The following NEB variants were observed in gnomAD, a reference collection of about 807,000 sequenced individuals.
NEB encodes nemaline myopathy type 2.
In NEB, 512 loss-of-function variants were observed where a neutral mutation model predicts 952.2. The observed-to-expected ratio is 0.54, with a 90% confidence interval of 0.50 to 0.58. NEB has a LOEUF of 0.58. Ranked by LOEUF, NEB falls within the 20% of genes least tolerant of loss-of-function variation. NEB has a pLI of 0.00. For synonymous variants in NEB, 2,900 were observed against 3,149.8 expected (o/e 0.92, Z 2.66); for missense variants, 8,428 against 9,231.1 (o/e 0.91, Z 3.56).
In NEB at chr2:151,644,772, C is replaced by T. The variant is rs557325694; in HGVS notation, c.7537-197G>A. The stretch of plus-strand genomic sequence containing the variant: ...TTTAAAGCTCTTCAATTACCTAAAT[C>T]AGCAAAATTGTCAGCTCTTCCCAAA... On this transcript the variant is annotated intron_variant, in intron 55 of 181. Transcript: ENST00000397345. Among the ~76,000 whole-genome samples the T allele has an allele frequency of 2.6e-5, 4 of 152,276 alleles. No homozygotes were observed. The East Asian group carries it at 7.7e-4, about 29-fold the overall frequency.
chr2:151,715,397 G>C (rs1470784786), intron 10 of NEB, among the ~76,000 whole-genome samples: 1 of 152,114 alleles, frequency 6.6e-6, no homozygotes, highest in Admixed American at 6.6e-5. Flanking sequence ...AAGTGTTATG[G>C]GATGAATGTC....
At chr2:151,570,418 G>A in intron 108 of NEB, 26 bp from the exon 109 acceptor site, 3 of 1,572,368 alleles carry the variant, frequency 1.9e-6, no homozygotes, top group Non-Finnish European at 1.7e-6. Flanking sequence ...TAAAGCAGAT[G>A]GGTCACAGCA....
chr2:151,654,588 ATG>A (rs551324977), intron 51 of NEB, among the ~76,000 whole-genome samples: 103 of 152,340 alleles, frequency 6.8e-4, no homozygotes, highest in Non-Finnish European at 1.1e-3. Context: ...GAATGGATGT[ATG>A]TGTGTTAAAA....
intron 76 of NEB, 175 bp downstream of exon 76, chr2:151,615,827 G>A (rs904284935): frequency 1.7e-6 from 1 of 577,844 alleles, no homozygotes; most frequent in African/African-American, 1.9e-5. Context: ...TGGGTATAAT[G>A]GGTCTAGAAT....
At position 151,620,347 on chromosome 2, in the gene NEB, GTATATATATA is replaced by G. The variant is rs71000481; in HGVS notation, c.10560+562_10560+571del. Reference sequence around the variant, plus strand: ...TTATTATATATATATGTATGTGTGTGTATATATATATATATATATATATATATATATATAT... The same window carrying G: ...TTATTATATATATATGTATGTGTGTGTATATATATATATATATATATATAT... On this transcript the variant is annotated intron_variant, in intron 72 of 181. Coordinates refer to ENST00000397345, the MANE Select transcript of NEB (RefSeq NM_001164508.2). 6.7e-3 allele frequency among the ~76,000 whole-genome samples: 326 copies of G among 48,456 alleles called. 2 individuals carry two copies. Among genetic ancestry groups the G allele is most frequent in the Middle Eastern group, 0.017 (1 of 60 alleles). The allele number at this position is 48,456 out of a possible 152,430, so 31.8% of individuals were successfully genotyped here. A position where few individuals can be genotyped will look rare whatever the true frequency, so the allele number is the denominator to read the frequency against.
At position 151,650,866 on chromosome 2, in the gene NEB, T is replaced by C. The variant is rs764583699; in HGVS notation, c.6935A>G (p.Tyr2312Cys). 1.2e-6 allele frequency: 2 copies of C among 1,612,538 alleles called. No homozygotes were observed. The highest frequency in any genetic ancestry group is 1.7e-6 in the Non-Finnish European group (2 of 1,179,058). The change falls in exon 53 of 182, where the codon TAC becomes TGC. Residue 2312 changes from tyrosine to cysteine, a missense_variant. Physicochemically the swap from Tyr to Cys is radical, Grantham distance 194. Coordinates refer to ENST00000397345, the MANE Select transcript of NEB (RefSeq NM_001164508.2). ...IASDYKYKQG[Y>C]RKQLGHHVGF... is the part of the protein sequence containing the mutation. Reference sequence around the variant, plus strand: ...AACATGGTGGCCAAGTTGCTTTCGGTAGCCTTGTTTGTATTTATACTGAAA... The same window carrying C: ...AACATGGTGGCCAAGTTGCTTTCGGCAGCCTTGTTTGTATTTATACTGAAA...
chr2:151,643,348 C>A lies in NEB; in HGVS notation c.7962G>T (p.Leu2654Phe), dbSNP rs947598445. ...RQAYDLQSDN[L>F]YKSDLQWLKG... ...TTAGCCACTGAAGGTCTGACTTGTA[C>A]AAATTCTGAAAGTGCAAGTGACAAA... The change falls in exon 58 of 182, where the codon TTG becomes TTT. Residue 2654 changes from leucine to phenylalanine, a missense_variant. Coordinates refer to ENST00000397345, the MANE Select transcript of NEB (RefSeq NM_001164508.2). 33 of 1,601,482 alleles carry A rather than the reference C, an allele frequency of 2.1e-5. No individual in the cohort carries two copies. The highest frequency in any genetic ancestry group is 2.7e-5 in the Non-Finnish European group (32 of 1,171,954).
intron 114 of NEB, among the ~76,000 whole-genome samples, chr2:151,566,786 G>T (rs2096419647): frequency 6.6e-6 from 1 of 152,300 alleles, no homozygotes; most frequent in South Asian, 2.1e-4. Flanking sequence ...GCATGCTTAG[G>T]TCTTTAACTG....
chr2:151,518,271 T>C, intron 156 of NEB, 47 bp downstream of exon 156: 2 of 1,318,298 alleles, frequency 1.5e-6, no homozygotes, highest in South Asian at 1.2e-5. Context: ...CACATTGTAC[T>C]GTGGATGAAT....
intron 174 of NEB, 136 bp downstream of exon 174, chr2:151,494,025 G>T: frequency 1.1e-6 from 1 of 898,092 alleles, no homozygotes; most frequent in Non-Finnish European, 1.8e-6. Context: ...TACAGTAAAT[G>T]TAGTGTGATA....
chr2:151,725,476 T>C lies in NEB; in HGVS notation c.379A>G (p.Lys127Glu). The C allele has an allele frequency of 6.2e-7, 1 of 1,613,570 alleles. No individual in the cohort carries two copies. Among genetic ancestry groups the C allele is most frequent in the Non-Finnish European group, 8.5e-7 (1 of 1,179,632 alleles). The change falls in exon 6 of 182, where the codon AAA becomes GAA. Residue 127 changes from lysine to glutamate, a missense_variant. Lys to Glu is a moderately conservative substitution (Grantham distance 56). This residue lies in a region of NEB where 2,851 missense variants were observed against 2,791.5 expected (regional missense o/e 1.02). Coordinates refer to ENST00000397345, the MANE Select transcript of NEB (RefSeq NM_001164508.2). ...ACCTCACTGAGTTGATCTTGTACTT[T>C]TTTGATTCTGCGAAGTTCTGGAGTA... ...TDTPELRRIK[K>E]VQDQLSEVKY...
rs753577039 is a variant in NEB at position 151,526,023 on chromosome 2, A to G, written c.22096T>C (p.Tyr7366His). The change falls in exon 150 of 182, where the codon TAC becomes CAC. Residue 7366 changes from tyrosine (Y) to histidine (H), a missense_variant. Coordinates refer to ENST00000397345, the MANE Select transcript of NEB (RefSeq NM_001164508.2). ...TCCCGGGTCTCTGGTAGTGTTGTGT[A>G]TGAGCCCTGTGCCAAGTGCTTCTTG... ...HVKKHLAQGS[Y>H]TTLPETRDTV... is the part of the protein sequence containing the mutation. The G allele has an allele frequency of 1.9e-6, 3 of 1,613,954 alleles. No homozygotes were observed. In the Admixed American group the frequency reaches 5.0e-5, roughly 27 times the overall value.
intron 64 of NEB, among the ~76,000 whole-genome samples, chr2:151,634,492 A>G (rs560114260): frequency 6.6e-6 from 1 of 152,244 alleles, no homozygotes; most frequent in East Asian, 1.9e-4. Flanking sequence ...AAATAAAAAA[A>G]TAAGCCGGGC....
At chr2:151,675,556 C>T (rs1575894642) in intron 34 of NEB, among the ~76,000 whole-genome samples, 165 bp from the exon 35 acceptor site, 1 of 152,062 alleles carries the variant, frequency 6.6e-6, no homozygotes, top group Non-Finnish European at 1.5e-5. Context: ...ATCTTTAATA[C>T]CAACAAGTCT....
intron 70 of NEB, among the ~76,000 whole-genome samples, chr2:151,626,460 G>T (rs1234209537): frequency 7.2e-5 from 11 of 151,930 alleles, no homozygotes; most frequent in Non-Finnish European, 1.6e-4. Context: ...TAAGTACTCA[G>T]CAAGAAAGAA....
At chr2:151,564,627 G>T (rs1309184544) in intron 117 of NEB, among the ~76,000 whole-genome samples, 3 of 152,174 alleles carry the variant, frequency 2.0e-5, no homozygotes, top group Non-Finnish European at 4.4e-5. Flanking sequence ...TTCTCCTCTT[G>T]TTGGCTAGAG....
rs116609336 is a variant in NEB at position 151,660,812 on chromosome 2, G to A, written c.5970+1323C>T. 3.7e-3 allele frequency among the ~76,000 whole-genome samples: 560 copies of A among 152,272 alleles called. 2 individuals are homozygous for A. The highest frequency in any genetic ancestry group is 0.012 in the African/African-American group (513 of 41,550). On this transcript the variant is annotated intron_variant, in intron 46 of 181. Coordinates refer to ENST00000397345, the MANE Select transcript of NEB (RefSeq NM_001164508.2). Reference sequence around the variant, plus strand: ...TTTTTCTGAACTCTGTTTTAGACCAGCACTATACAATAGAACTTTCTGTAA... The same window carrying A: ...TTTTTCTGAACTCTGTTTTAGACCAACACTATACAATAGAACTTTCTGTAA...
chr2:151,501,475 G>A lies in NEB; in HGVS notation c.23937C>T (p.Tyr7979=), dbSNP rs779173742. ...GAGTCCCCTTGCTCAAGTTCTCTTTGTACAATATCTGTGTGCACAAAACCA... is the reference window on the plus strand; with the variant it reads ...GAGTCCCCTTGCTCAAGTTCTCTTTATACAATATCTGTGTGCACAAAACCA... The part of the protein sequence containing the change: ...RNQENFSSIL[Y]KENLSKGTPL... The change falls in exon 168 of 182, where the codon TAC becomes TAT. Residue 7979 remains tyrosine (Y), a synonymous_variant. Coordinates refer to ENST00000397345, the MANE Select transcript of NEB (RefSeq NM_001164508.2). 2.0e-6 allele frequency: 3 copies of A among 1,505,712 alleles called. No individual in the cohort carries two copies. Among genetic ancestry groups the A allele is most frequent in the Non-Finnish European group, 2.7e-6 (3 of 1,120,694 alleles). 93.3% of individuals were successfully genotyped at this position (1,505,712 alleles called of 1,614,324 possible). A position where few individuals can be genotyped will look rare whatever the true frequency, so the allele number is the denominator to read the frequency against.
intron 68 of NEB, 115 bp from the exon 69 acceptor site, chr2:151,627,949 T>A: frequency 7.5e-7 from 1 of 1,335,080 alleles, no homozygotes; most frequent in Non-Finnish European, 1.0e-6. Context: ...AATGAAAGAA[T>A]CTGCATATCA....
Sources: gnomAD v4.1 joint callset for allele counts (sites outside exome capture counted in the v4.1 genomes callset) on GRCh38, gnomAD v4.1.1 for gene constraint, gnomAD v4.1.1 regional missense constraint, MANE v1.5 for transcripts, NCBI Gene and HGNC (gene_info 2026-07-23, HGNC 2026-07-21) for gene names.